RBFOX3: variants seen among roughly 807,000 people sequenced by gnomAD.
RBFOX3 encodes the protein RNA binding protein fox-1 homolog 3.
A neutral mutation model predicts 48.7 loss-of-function variants in RBFOX3; 17 were observed. That is an observed-to-expected ratio of 0.35 (90% confidence interval 0.24 to 0.52). RBFOX3 has a LOEUF of 0.52. RBFOX3 is among the 20% of genes least tolerant of loss of function. The pLI is 0.94. For synonymous variants in RBFOX3, 212 were observed against 209.5 expected, an observed-to-expected ratio of 1.01 and a Z score of -0.10; for missense variants, 382 against 497.5, an observed-to-expected ratio of 0.77 and a Z score of 2.21.
At chr17:79,508,668 G>A (rs1352576250) in intron 1 of RBFOX3, 1 of 152,216 alleles carries the variant, frequency 6.6e-6, no homozygotes, top group East Asian at 1.9e-4. Flanking sequence ...GGAAGCTTCG[G>A]GCTGTGCACA....
rs573743057 is a variant in RBFOX3, at chr17:79,307,493, C to T, written c.-74+231G>A. 1.2e-3 allele frequency among the ~76,000 whole-genome samples: 163 copies of T among 136,398 alleles called. 1 individual carries two copies. Among genetic ancestry groups the T allele is most frequent in the Non-Finnish European group, 2.0e-4 (13 of 63,990 alleles). 89.5% of individuals were successfully genotyped at this position (136,398 alleles called of 152,430 possible). ...GTCTATTAATTATCTATTATATACT[C>T]GCTGATTTGCATTTTAGTGAAGGGA... On this transcript the variant is annotated intron_variant, in intron 3 of 14. Coordinates refer to ENST00000693108, the MANE Select transcript of RBFOX3 (RefSeq NM_001350451.2).
intron 2 of RBFOX3, among the ~76,000 whole-genome samples, chr17:79,465,186 C>A (rs150511335): frequency 6.6e-6 from 1 of 152,200 alleles, no homozygotes; most frequent in Admixed American, 6.5e-5. Flanking sequence ...CTTCCCGAGG[C>A]GGCCTCCCCT....
At chr17:79,267,855 G>A (rs2066976271) in intron 3 of RBFOX3, among the ~76,000 whole-genome samples, 1 of 152,156 alleles carries the variant, frequency 6.6e-6, no homozygotes, top group African/African-American at 2.4e-5. Flanking sequence ...GGTAGAAGGA[G>A]GAGGAGCTAG....
At chr17:79,337,867 G>C (rs2081434770) in intron 2 of RBFOX3, among the ~76,000 whole-genome samples, 1 of 152,070 alleles carries the variant, frequency 6.6e-6, no homozygotes, top group African/African-American at 2.4e-5. Flanking sequence ...CTCTGAAAGA[G>C]AAGTGGCAGG....
intron 2 of RBFOX3, among the ~76,000 whole-genome samples, chr17:79,339,094 GC>G (rs2081635356): frequency 6.6e-6 from 1 of 150,796 alleles, no homozygotes; most frequent in African/African-American, 2.4e-5. Flanking sequence ...TCACTCTGTT[GC>G]CCAGGCTAGA....
intron 4 of RBFOX3, among the ~76,000 whole-genome samples, chr17:79,219,605 G>A (rs1249773623): frequency 6.6e-6 from 1 of 152,096 alleles, no homozygotes; most frequent in Non-Finnish European, 1.5e-5. Flanking sequence ...TTTGCCAAAA[G>A]GCACAGGGGC....
chr17:79,103,398 C>T lies in RBFOX3; in HGVS notation c.415-144G>A, dbSNP rs554944928. On this transcript the variant is annotated intron_variant, in intron 7 of 14. Transcript: ENST00000693108. The surrounding 1 kb of genome is among the most constrained non-coding windows in gnomAD (Gnocchi z 6.1). ...AGGGGTTGAGTCAGGTGAGTTGAGGCAGAGACGCAGGCAGCCCAGAGGTCT... is the reference window on the plus strand; with the variant it reads ...AGGGGTTGAGTCAGGTGAGTTGAGGTAGAGACGCAGGCAGCCCAGAGGTCT... 275 of 660,858 alleles carry T rather than the reference C, an allele frequency of 4.2e-4. 1 individual carries two copies. In the African/African-American group the frequency reaches 4.2e-3, roughly 10 times the overall value. The allele number at this position is 660,858 out of a possible 1,614,324, so 40.9% of individuals were successfully genotyped here. A position where few individuals can be genotyped will look rare whatever the true frequency, so the allele number is the denominator to read the frequency against.
chr17:79,246,127 C>T (rs151011570), intron 3 of RBFOX3, among the ~76,000 whole-genome samples: 39 of 152,256 alleles, frequency 2.6e-4, no homozygotes, highest in East Asian at 1.5e-3. Flanking sequence ...TATCTGCTGA[C>T]GTGCTTCCGT....
At chr17:79,322,419 C>T (rs2078669117) in intron 2 of RBFOX3, among the ~76,000 whole-genome samples, 1 of 152,184 alleles carries the variant, frequency 6.6e-6, no homozygotes, top group Admixed American at 6.5e-5. Flanking sequence ...AGCTTCCAAG[C>T]ACAGAGCTTG....
chr17:79,150,505 A>C (rs2044180152), intron 4 of RBFOX3, among the ~76,000 whole-genome samples: 1 of 152,162 alleles, frequency 6.6e-6, no homozygotes, highest in Admixed American at 6.5e-5. Flanking sequence ...CACTCAAGAT[A>C]GGAGGCAGCT....
chr17:79,434,608 C>A (rs8079970), intron 2 of RBFOX3, among the ~76,000 whole-genome samples: 11,840 of 152,222 alleles, frequency 0.078, 796 homozygotes, highest in African/African-American at 0.18. Flanking sequence ...AGGCAACATG[C>A]CTCTCTTGAA....
Position 79,204,143 on chromosome 17 carries a change from C to T in RBFOX3, c.-34+31623G>A, listed in dbSNP as rs1168412351. 6.6e-6 allele frequency among the ~76,000 whole-genome samples: 1 copy of T among 152,226 alleles called. No individual in the cohort carries two copies. Among genetic ancestry groups the T allele is most frequent in the African/African-American group, 2.4e-5 (1 of 41,460 alleles). On this transcript the variant is annotated intron_variant, in intron 4 of 14. Transcript: ENST00000693108. The surrounding 1 kb of genome is among the most constrained non-coding windows in gnomAD (Gnocchi z 4.5). Reference sequence around the variant, plus strand: ...CCCCCACTGAGAGCTGCCCCTACTTCCCCTACTGCCATGACAGCAATAGCT... The same window carrying T: ...CCCCCACTGAGAGCTGCCCCTACTTTCCCTACTGCCATGACAGCAATAGCT...
chr17:79,597,218 G>A (rs1001333453), intron 1 of RBFOX3, among the ~76,000 whole-genome samples: 1 of 152,222 alleles, frequency 6.6e-6, no homozygotes, highest in African/African-American at 2.4e-5. Flanking sequence ...CTGTCTTGCT[G>A]CTAAAATATC....
intron 4 of RBFOX3, among the ~76,000 whole-genome samples, chr17:79,230,259 T>C (rs2060851969): frequency 6.6e-6 from 1 of 152,232 alleles, no homozygotes; most frequent in African/African-American, 2.4e-5. Context: ...TCTCTCCATA[T>C]TTATTTATTT....
At chr17:79,245,234 G>A (rs972094377) in intron 3 of RBFOX3, among the ~76,000 whole-genome samples, 3 of 151,960 alleles carry the variant, frequency 2.0e-5, no homozygotes, top group East Asian at 1.9e-4. Flanking sequence ...CACCACACCC[G>A]GCTCATTTTT....
At chr17:79,446,341 C>T (rs1877682) in intron 2 of RBFOX3, among the ~76,000 whole-genome samples, 27 of 152,050 alleles carry the variant, frequency 1.8e-4, no homozygotes, top group African/African-American at 6.5e-4. Context: ...GGCAGCAATG[C>T]GGCAGACCCC....
chr17:79,155,673 T>A (rs1014730185), intron 4 of RBFOX3, among the ~76,000 whole-genome samples: 5 of 151,608 alleles, frequency 3.3e-5, no homozygotes, highest in Middle Eastern at 3.2e-3. Context: ...AACGACCAAC[T>A]CTCTGACCAG....
intron 4 of RBFOX3, among the ~76,000 whole-genome samples, chr17:79,217,474 C>T (rs1204004668): frequency 6.6e-6 from 1 of 152,184 alleles, no homozygotes; most frequent in African/African-American, 2.4e-5. Flanking sequence ...CCCAGAGCCC[C>T]AGCTGAACAT....
intron 2 of RBFOX3, among the ~76,000 whole-genome samples, chr17:79,368,207 G>A (rs758613968): frequency 3.3e-5 from 5 of 152,118 alleles, no homozygotes; most frequent in East Asian, 1.9e-4. Flanking sequence ...CTCCACAGCC[G>A]TGCCCACGTC....
Sources: allele counts gnomAD v4.1 joint callset (sites outside exome capture counted in the v4.1 genomes callset), GRCh38; gene constraint gnomAD v4.1.1; non-coding constraint Gnocchi (gnomAD v3.1); transcripts MANE v1.5; gene names NCBI Gene and HGNC (gene_info 2026-07-23, HGNC 2026-07-21).